The following FHIT variants were observed in gnomAD, a reference collection of about 807,000 sequenced individuals.
FHIT encodes bis(5'-adenosyl)-triphosphatase.
In FHIT, 19 loss-of-function variants were observed where a neutral mutation model predicts 17.9. The ratio of observed to expected loss-of-function variants is 1.06; its 90% CI spans 0.74 to 1.56. FHIT has a LOEUF of 1.56. Ranked by LOEUF, FHIT falls within the 40% of genes most tolerant of loss-of-function variation. The pLI is 0.00. For missense variants in FHIT, 248 were observed against 189.2 expected (o/e 1.31, Z -1.82); for synonymous variants, 81 against 69.7 (o/e 1.16, Z -0.81).
At chr3:60,693,363 A>C (rs1316484233) in intron 4 of FHIT, among the ~76,000 whole-genome samples, 2 of 152,210 alleles carry the variant, frequency 1.3e-5, no homozygotes, top group African/African-American at 4.8e-5. Flanking sequence ...TATAGCAGTA[A>C]TTTCCCTTGG....
At position 60,017,315 on chromosome 3, in the gene FHIT, A is replaced by G. The variant is rs761228753; in HGVS notation, c.104-3163T>C. 9.1e-4 allele frequency among the ~76,000 whole-genome samples: 139 copies of G among 152,250 alleles called. 1 individual carries two copies. Among genetic ancestry groups the G allele is most frequent in the Admixed American group, 5.0e-3 (77 of 15,286 alleles). On this transcript the variant is annotated intron_variant, in intron 5 of 9. Transcript: ENST00000492590. ...GAGGCCTCAGCACTGGGCAGTGAGT[A>G]TGCCTTCATCCTAACAGAGAATCGT...
intron 3 of FHIT, among the ~76,000 whole-genome samples, chr3:60,969,890 G>T (rs1050411698): frequency 6.6e-6 from 1 of 151,902 alleles, no homozygotes; most frequent in Admixed American, 6.6e-5. Context: ...TTTCAGACAG[G>T]GTCTCCCTCT....
chr3:60,966,355 G>A (rs1709742003), intron 3 of FHIT, among the ~76,000 whole-genome samples: 1 of 152,226 alleles, frequency 6.6e-6, no homozygotes, highest in African/African-American at 2.4e-5. Flanking sequence ...CTCTTGACTA[G>A]GAAAGGGAAT....
chr3:60,831,622 T>G (rs1702331561), intron 3 of FHIT, among the ~76,000 whole-genome samples: 1 of 152,160 alleles, frequency 6.6e-6, no homozygotes, highest in Admixed American at 6.5e-5. Context: ...AAAACCATAA[T>G]CATAAAAATT....
chr3:60,243,556 C>A (rs1343106169), intron 5 of FHIT, among the ~76,000 whole-genome samples: 1 of 152,032 alleles, frequency 6.6e-6, no homozygotes, highest in Non-Finnish European at 1.5e-5. Context: ...TTCCATCATG[C>A]TTTAAGCTCC....
intron 5 of FHIT, among the ~76,000 whole-genome samples, chr3:60,374,547 C>T (rs1168451225): frequency 6.7e-6 from 1 of 150,302 alleles, no homozygotes; most frequent in African/African-American, 2.5e-5. Flanking sequence ...GATCTTCCAC[C>T]CCAGATTTTT....
chr3:60,562,215 C>T (rs1383108285), intron 4 of FHIT, among the ~76,000 whole-genome samples: 3 of 152,190 alleles, frequency 2.0e-5, no homozygotes, highest in African/African-American at 7.2e-5. Flanking sequence ...CAACTACATA[C>T]ATTAAACACT....
intron 4 of FHIT, among the ~76,000 whole-genome samples, chr3:60,748,827 A>C (rs782791348): frequency 6.6e-6 from 1 of 152,056 alleles, no homozygotes; most frequent in Non-Finnish European, 1.5e-5. Context: ...ACAACAACAA[A>C]AATCATATCT....
intron 5 of FHIT, among the ~76,000 whole-genome samples, chr3:60,391,870 A>G (rs2107156044): frequency 6.6e-6 from 1 of 152,216 alleles, no homozygotes; most frequent in African/African-American, 2.4e-5. Context: ...ATGTATTAAA[A>G]TGTGTCTTGA....
intron 5 of FHIT, among the ~76,000 whole-genome samples, chr3:60,395,917 T>C (rs1336926497): frequency 2.0e-5 from 3 of 152,186 alleles, no homozygotes; most frequent in Non-Finnish European, 4.4e-5. Context: ...GATTCCATCC[T>C]TAAAAAGACA....
chr3:61,233,276 T>G (rs984222977), intron 1 of FHIT, among the ~76,000 whole-genome samples: 1 of 151,368 alleles, frequency 6.6e-6, no homozygotes, highest in Admixed American at 6.7e-5. Context: ...ACTGCAGAAT[T>G]ATTTATCATA....
chr3:60,522,320 A>G (rs1050031459), intron 5 of FHIT, among the ~76,000 whole-genome samples: 3 of 152,160 alleles, frequency 2.0e-5, no homozygotes, highest in Admixed American at 6.5e-5. Flanking sequence ...CATGTTGGCC[A>G]GGCTGGTTTC....
intron 3 of FHIT, among the ~76,000 whole-genome samples, chr3:60,931,440 C>T (rs1707947558): frequency 6.6e-6 from 1 of 152,088 alleles, no homozygotes; most frequent in African/African-American, 2.4e-5. Flanking sequence ...ATTTATTTTA[C>T]ACTATGTGCA....
At chr3:59,833,083 T>A (rs909534610) in intron 8 of FHIT, among the ~76,000 whole-genome samples, 2 of 152,184 alleles carry the variant, frequency 1.3e-5, no homozygotes, top group African/African-American at 4.8e-5. Context: ...CAAGCATATA[T>A]GACATATTAA....
chr3:60,169,376 AG>A (rs900139566), intron 5 of FHIT, among the ~76,000 whole-genome samples: 16 of 152,336 alleles, frequency 1.1e-4, no homozygotes, highest in African/African-American at 1.4e-4. Context: ...TGCATAGGGC[AG>A]GAAGAACAGC....
chr3:60,256,554 G>A (rs1004192867), intron 5 of FHIT, among the ~76,000 whole-genome samples: 1 of 152,188 alleles, frequency 6.6e-6, no homozygotes, highest in South Asian at 2.1e-4. Context: ...AAGGCTAAGA[G>A]AGGACAGGTA....
chr3:59,795,183 C>T (rs767337175), intron 8 of FHIT, among the ~76,000 whole-genome samples: 7 of 152,076 alleles, frequency 4.6e-5, no homozygotes, highest in East Asian at 3.9e-4. Flanking sequence ...GTCAGGAGTT[C>T]GAGACCAGCC....
Position 60,754,052 on chromosome 3 carries a change from A to C in FHIT, c.-18+67867T>G, listed in dbSNP as rs1240788208. 2.6e-5 allele frequency among the ~76,000 whole-genome samples: 4 copies of C among 152,332 alleles called. No individual in the cohort carries two copies. In the East Asian group the frequency reaches 7.7e-4, roughly 29 times the overall value. On this transcript the variant is annotated intron_variant, in intron 4 of 9. Coordinates refer to ENST00000492590, the MANE Select transcript of FHIT (RefSeq NM_002012.4). ...TCCTTTGGGAGGAGATCTGTTTTCAATTTAACAAAAATAAATCCTTATGGT... is the reference window on the plus strand; with the variant it reads ...TCCTTTGGGAGGAGATCTGTTTTCACTTTAACAAAAATAAATCCTTATGGT...
At position 59,898,162 on chromosome 3, in the gene FHIT, C is replaced by CTCTGTT. The variant is rs1491477808; in HGVS notation, c.348+24178_348+24183dup. On this transcript the variant is annotated intron_variant, in intron 8 of 9. Coordinates refer to ENST00000492590, the MANE Select transcript of FHIT (RefSeq NM_002012.4). ...GGTCACAGTAAAAATGCAGTTAAAA[C>CTCTGTT]TCTGTTTCATGGACAAAGTTATTTA... Among the ~76,000 whole-genome samples the CTCTGTT allele has an allele frequency of 6.6e-5, 10 of 152,274 alleles. No homozygotes were observed. In the South Asian group the frequency reaches 2.1e-3, roughly 32 times the overall value.
Sources: gnomAD v4.1 joint callset for allele counts (sites outside exome capture counted in the v4.1 genomes callset) on GRCh38, gnomAD v4.1.1 for gene constraint, MANE v1.5 for transcripts, NCBI Gene and HGNC (gene_info 2026-07-23, HGNC 2026-07-21) for gene names.